The following UBXN10 variants were observed in gnomAD, a reference collection of about 807,000 sequenced individuals.
UBXN10 encodes UBX domain-containing protein 10.
A neutral mutation model predicts 6.9 loss-of-function variants in UBXN10; 6 were observed. That is an observed-to-expected ratio of 0.87 (90% confidence interval 0.48 to 1.72). The LOEUF is 1.72. Ranked by LOEUF, UBXN10 falls within the 40% of genes most tolerant of loss-of-function variation. UBXN10 has a pLI of 0.01. For synonymous variants in UBXN10, 131 were observed against 135.2 expected (o/e 0.97, Z 0.21); for missense variants, 317 against 348.4 (o/e 0.91, Z 0.72).
chr1:20,193,430 A>C lies in UBXN10; in HGVS notation c.*2026A>C, dbSNP rs1261381530. On this transcript the variant is annotated 3_prime_UTR_variant, in exon 2 of 2. Coordinates refer to ENST00000375099, the MANE Select transcript of UBXN10 (RefSeq NM_152376.5). ...TTTTAGGATATTTTAGGATATGTGA[A>C]TAAAGCTAGACTCAAACCATCATAA... 1 of 167,116 alleles carries C rather than the reference A, an allele frequency of 6.0e-6. No homozygotes were observed. Among genetic ancestry groups the C allele is most frequent in the African/African-American group, 2.4e-5 (1 of 41,452 alleles). The allele number at this position is 167,116 out of a possible 1,614,324, so 10.4% of individuals were successfully genotyped here.
Position 20,191,154 on chromosome 1 carries a change from G to A in UBXN10, c.593G>A (p.Arg198Lys), listed in dbSNP as rs924913879. 6.2e-7 allele frequency: 1 copy of A among 1,614,204 alleles called. No homozygotes were observed. The highest frequency in any genetic ancestry group is 2.2e-5 in the East Asian group (1 of 44,882). The change falls in exon 2 of 2, where the codon AGG (arginine) becomes AAG (lysine). Residue 198 changes from arginine to lysine, a missense_variant. Physicochemically the swap from Arg to Lys is conservative, Grantham distance 26. Coordinates refer to ENST00000375099, the MANE Select transcript of UBXN10 (RefSeq NM_152376.5). The surrounding 1 kb of genome is among the most constrained non-coding windows in gnomAD (Gnocchi z 4.5). The stretch of plus-strand genomic sequence containing the variant: ...GAGGAACCATCGGACCAAGAACCAA[G>A]GTTGCTGCTTGCTGTTAGATCACCA... ...NLEEPSDQEP[R>K]LLLAVRSPTG...
At chr1:20,185,901 C>T (rs1347431278), upstream of UBXN10, among the ~76,000 whole-genome samples, 1 of 152,226 alleles carries the variant, frequency 6.6e-6, no homozygotes, top group Non-Finnish European at 1.5e-5. Context: ...GAGAAGGAGG[C>T]CGCGGGTCCC....
chr1:20,190,495 G>T, intron 1 of UBXN10, 52 bp from the exon 2 acceptor site: 1 of 1,537,078 alleles, frequency 6.5e-7, no homozygotes. Context: ...TTGGATCTAG[G>T]AGTCCCAGGA....
At chr1:20,183,362 C>T (rs1353481334), upstream of UBXN10, among the ~76,000 whole-genome samples, 4 of 152,168 alleles carry the variant, frequency 2.6e-5, no homozygotes, top group Non-Finnish European at 5.9e-5. Flanking sequence ...ACGGACAGCA[C>T]AGATAAGGGC....
At chr1:20,185,427 C>T (rs1259769454), upstream of UBXN10, among the ~76,000 whole-genome samples, 1 of 152,014 alleles carries the variant, frequency 6.6e-6, no homozygotes, top group Non-Finnish European at 1.5e-5. Flanking sequence ...AGGGGGAAAG[C>T]GGAGACAGCA....
chr1:20,188,910 C>T lies in UBXN10; in HGVS notation c.-15-1637C>T, dbSNP rs575670727. 7.2e-5 allele frequency among the ~76,000 whole-genome samples: 11 copies of T among 152,318 alleles called. No homozygotes were observed. The South Asian group carries it at 1.9e-3, about 26-fold the overall frequency. Reference sequence around the variant, plus strand: ...AGCAAACAACGACGACAACAAAAAACGCTTAACATTTAATTAAGTTTCTAC... The same window carrying T: ...AGCAAACAACGACGACAACAAAAAATGCTTAACATTTAATTAAGTTTCTAC... On this transcript the variant is annotated intron_variant, in intron 1 of 1. Transcript: ENST00000375099.
rs2018540939 is a variant in UBXN10, at chr1:20,193,210, AC to A, written c.*1808del. ...GGGGAAGAGCCTCCCATAAAATCAC[AC>A]CTACTCTGTGGTAAGAATAAAATCC... On this transcript the variant is annotated 3_prime_UTR_variant, in exon 2 of 2. Transcript: ENST00000375099. 1 of 167,014 alleles carries A rather than the reference AC, an allele frequency of 6.0e-6. No homozygotes were observed. Among genetic ancestry groups the A allele is most frequent in the Non-Finnish European group, 1.5e-5 (1 of 68,112 alleles). The allele number at this position is 167,014 out of a possible 1,614,324, so 10.3% of individuals were successfully genotyped here.
At chr1:20,183,977 A>G (rs2018318862), upstream of UBXN10, among the ~76,000 whole-genome samples, 2 of 152,184 alleles carry the variant, frequency 1.3e-5, no homozygotes, top group South Asian at 4.1e-4. Flanking sequence ...TGTCCTTTGA[A>G]GACATCCTCT....
chr1:20,190,598 G>C lies in UBXN10; in HGVS notation c.37G>C (p.Glu13Gln), dbSNP rs1234208735. 8 of 1,614,178 alleles carry C rather than the reference G, an allele frequency of 5.0e-6. No homozygotes were observed. Among genetic ancestry groups the C allele is most frequent in the Admixed American group, 3.3e-5 (2 of 60,030 alleles). The change falls in exon 2 of 2, where the codon GAG becomes CAG. Residue 13 changes from glutamate to glutamine, a missense_variant. By Grantham distance (29) the Glu-to-Gln change is conservative. Coordinates refer to ENST00000375099, the MANE Select transcript of UBXN10 (RefSeq NM_152376.5). ...TEAPVNIAPP[E>Q]CSTVVSTAVD... is the part of the protein sequence containing the mutation. ...AGCCCCTGTGAATATAGCACCACCT[G>C]AGTGTAGCACTGTTGTCAGCACAGC... is the stretch of plus-strand genomic sequence containing the variant.
chr1:20,184,960 C>A (rs2018341799), upstream of UBXN10, among the ~76,000 whole-genome samples: 1 of 152,006 alleles, frequency 6.6e-6, no homozygotes, highest in Non-Finnish European at 1.5e-5. Context: ...TCAAGACCAC[C>A]CTCAGCAACA....
upstream of UBXN10, chr1:20,184,186 C>G (rs146906005): frequency 0.012 from 1,525 of 123,102 alleles, 27 homozygotes; most frequent in Admixed American, 0.073. Flanking sequence ...GGCGCGCGTG[C>G]GTGCGCACAC....
At chr1:20,189,490 C>T (rs1268946907) in intron 1 of UBXN10, among the ~76,000 whole-genome samples, 1 of 152,110 alleles carries the variant, frequency 6.6e-6, no homozygotes, top group Non-Finnish European at 1.5e-5. Context: ...GTTCACGCCT[C>T]CCACCATGCT....
upstream of UBXN10, among the ~76,000 whole-genome samples, chr1:20,185,743 G>A (rs1371190153): frequency 6.6e-6 from 1 of 152,182 alleles, no homozygotes; most frequent in African/African-American, 2.4e-5. Flanking sequence ...GGGACACTGA[G>A]AGGGTCAGGG....
Position 20,192,264 on chromosome 1 carries a change from C to A in UBXN10, c.*860C>A, listed in dbSNP as rs958844538. ...TTAAACAGGTTTGTACTGACAACCT[C>A]CTTGGCTTATTTGGGGGTGGAGCAA... On this transcript the variant is annotated 3_prime_UTR_variant, in exon 2 of 2. Transcript: ENST00000375099. 1 of 167,080 alleles carries A rather than the reference C, an allele frequency of 6.0e-6. No individual in the cohort carries two copies. 10.3% of individuals were successfully genotyped at this position (167,080 alleles called of 1,614,324 possible). A position where few individuals can be genotyped will look rare whatever the true frequency, so the allele number is the denominator to read the frequency against.
upstream of UBXN10, among the ~76,000 whole-genome samples, chr1:20,183,834 G>A (rs1010638752): frequency 1.3e-5 from 2 of 152,244 alleles, no homozygotes; most frequent in Non-Finnish European, 2.9e-5. Context: ...CCCAGGGAGA[G>A]AGCTGGAGAG....
At chr1:20,183,871 G>C (rs771204226), upstream of UBXN10, among the ~76,000 whole-genome samples, 2 of 152,180 alleles carry the variant, frequency 1.3e-5, no homozygotes, top group Admixed American at 1.3e-4. Context: ...TAGAAAGGAA[G>C]GTGAGTCCAC....
chr1:20,195,701 C>G lies in UBXN10; in HGVS notation c.*4297C>G, dbSNP rs535386612. 3 of 167,178 alleles carry G rather than the reference C, an allele frequency of 1.8e-5. No homozygotes were observed. Among genetic ancestry groups the G allele is most frequent in the East Asian group, 3.9e-4 (2 of 5,180 alleles). 10.4% of individuals were successfully genotyped at this position (167,178 alleles called of 1,614,324 possible). A position where few individuals can be genotyped will look rare whatever the true frequency, so the allele number is the denominator to read the frequency against. On this transcript the variant is annotated 3_prime_UTR_variant, in exon 2 of 2. Coordinates refer to ENST00000375099, the MANE Select transcript of UBXN10 (RefSeq NM_152376.5). Reference sequence around the variant, plus strand: ...CAGGAACATTCCCATCAAGGAAATGCACGAGTGTTTTTGGACAAAGTGTAC... The same window carrying G: ...CAGGAACATTCCCATCAAGGAAATGGACGAGTGTTTTTGGACAAAGTGTAC...
rs1490297547 is a variant in UBXN10 at position 20,195,150 on chromosome 1, C to G, written c.*3746C>G. 1 of 167,122 alleles carries G rather than the reference C, an allele frequency of 6.0e-6. No homozygotes were observed. Among genetic ancestry groups the G allele is most frequent in the Non-Finnish European group, 1.5e-5 (1 of 68,130 alleles). 10.4% of individuals were successfully genotyped at this position (167,122 alleles called of 1,614,324 possible). Reference sequence around the variant, plus strand: ...CCTTTCCTGATTAGGGAAGCTTCTCCCAGCCCTTTCTGACGTTCATCTGTG... The same window carrying G: ...CCTTTCCTGATTAGGGAAGCTTCTCGCAGCCCTTTCTGACGTTCATCTGTG... On this transcript the variant is annotated 3_prime_UTR_variant, in exon 2 of 2. Coordinates refer to ENST00000375099, the MANE Select transcript of UBXN10 (RefSeq NM_152376.5).
chr1:20,191,718 T>C lies in UBXN10; in HGVS notation c.*314T>C, dbSNP rs76492188. ...GTTTTGGGTCCTTCTGAATTAATGGTCCTTTTCGAACACCGGCTTGCCTTT... is the reference window on the plus strand; with the variant it reads ...GTTTTGGGTCCTTCTGAATTAATGGCCCTTTTCGAACACCGGCTTGCCTTT... On this transcript the variant is annotated 3_prime_UTR_variant, in exon 2 of 2. Transcript: ENST00000375099. This position sits in a 1 kb window ranked among gnomAD's most constrained non-coding sequence, Gnocchi z 4.5. The C allele has an allele frequency of 5.6e-4, 174 of 309,026 alleles. 1 individual carries two copies. The East Asian group carries it at 0.01, about 18-fold the overall frequency. 19.1% of individuals were successfully genotyped at this position (309,026 alleles called of 1,614,324 possible).
Sources: gnomAD v4.1 joint callset for allele counts (sites outside exome capture counted in the v4.1 genomes callset) on GRCh38, gnomAD v4.1.1 for gene constraint, Gnocchi (gnomAD v3.1) non-coding constraint, MANE v1.5 for transcripts, NCBI Gene and HGNC (gene_info 2026-07-23, HGNC 2026-07-21) for gene names.